Variants in FAAH2 observed in about 807,000 individuals in gnomAD.
FAAH2 encodes the protein fatty acid amide hydrolase 2.
FAAH2 carries 60 observed loss-of-function variants against 36.9 expected under a neutral mutation model. That is an observed-to-expected ratio of 1.63 (90% CI 1.32 to 2.02). The LOEUF is 2.02. Ranked by LOEUF, FAAH2 falls within the 30% of genes most tolerant of loss-of-function variation. The pLI, the probability that FAAH2 is intolerant of heterozygous loss-of-function variation, is 0.00. For missense variants in FAAH2, 689 were observed against 397.5 expected (o/e 1.73, Z -6.23); for synonymous variants, 214 against 143.8 (o/e 1.49, Z -3.49).
chrX:57,270,586 G>T, the FAAH2 span, among the ~76,000 whole-genome samples: 2 of 111,873 alleles, frequency 1.8e-5, no homozygotes, highest in African/African-American at 6.5e-5. Flanking sequence ...TTCCCAGCGA[G>T]ATCGATGCAG....
chrX:57,198,731 G>C, the FAAH2 span, among the ~76,000 whole-genome samples: 5 of 112,519 alleles, frequency 4.4e-5, no homozygotes, highest in African/African-American at 1.3e-4. Flanking sequence ...GATAAACTTA[G>C]AAATGCCATC....
chrX:57,141,654 T>A, the FAAH2 span, among the ~76,000 whole-genome samples: 1 of 111,976 alleles, frequency 8.9e-6, no homozygotes, highest in African/African-American at 3.2e-5. Flanking sequence ...TATGGTTCAA[T>A]CTTGGTAGGT....
the FAAH2 span, among the ~76,000 whole-genome samples, chrX:57,181,409 G>T: frequency 1.8e-5 from 2 of 111,583 alleles, no homozygotes; most frequent in East Asian, 5.7e-4. Context: ...TGAAATCAAT[G>T]TACAAAAATC....
chrX:57,167,349 C>A, the FAAH2 span, among the ~76,000 whole-genome samples: 1 of 111,144 alleles, frequency 9.0e-6, no homozygotes, highest in South Asian at 3.8e-4. Context: ...AACAGTTGTC[C>A]CTCCAGGCCA....
intron 7 of FAAH2, among the ~76,000 whole-genome samples, chrX:57,428,139 G>A (rs955687439): frequency 9.0e-6 from 1 of 111,657 alleles, no homozygotes; most frequent in East Asian, 2.8e-4. Flanking sequence ...CAGTTTGTTA[G>A]CATTTACAAT....
chrX:57,201,452 T>C, the FAAH2 span, among the ~76,000 whole-genome samples: 1 of 110,839 alleles, frequency 9.0e-6, no homozygotes, highest in Non-Finnish European at 1.9e-5. Flanking sequence ...AAGAAGTCTG[T>C]CTGCTGCTAC....
intron 10 of FAAH2, among the ~76,000 whole-genome samples, chrX:57,486,001 T>G (rs987029391): frequency 2.7e-5 from 3 of 111,660 alleles, no homozygotes; most frequent in African/African-American, 9.8e-5. Context: ...AGTTTGAGGT[T>G]GAGTGGAATG....
intron 2 of FAAH2, among the ~76,000 whole-genome samples, chrX:57,306,655 G>C (rs2052530915): frequency 1.0e-5 from 1 of 99,924 alleles, no homozygotes; most frequent in African/African-American, 3.6e-5. Flanking sequence ...GTTTCACTTG[G>C]CTCAAGTGTT....
chrX:57,449,025 C>T (rs1023276469), intron 10 of FAAH2, among the ~76,000 whole-genome samples: 6 of 111,533 alleles, frequency 5.4e-5, no homozygotes, highest in Non-Finnish European at 9.4e-5. Flanking sequence ...TCCAAAGTCT[C>T]CCCTGGCTGC....
intron 10 of FAAH2, among the ~76,000 whole-genome samples, chrX:57,465,999 C>G (rs1237385773): frequency 1.8e-5 from 2 of 108,915 alleles, no homozygotes; most frequent in African/African-American, 6.6e-5. Context: ...AAATGGTAAG[C>G]AGGTTAATGC....
intron 3 of FAAH2, among the ~76,000 whole-genome samples, chrX:57,324,760 T>C (rs1469735912): frequency 8.9e-6 from 1 of 112,335 alleles, no homozygotes; most frequent in South Asian, 3.6e-4. Flanking sequence ...TGGGGTTTTC[T>C]AAATATACAA....
intron 5 of FAAH2, among the ~76,000 whole-genome samples, chrX:57,348,788 T>C (rs1249965731): frequency 9.1e-6 from 1 of 109,368 alleles, no homozygotes; most frequent in Non-Finnish European, 1.9e-5. Flanking sequence ...CAGGAAAAAG[T>C]CTCCCCTAAG....
the FAAH2 span, among the ~76,000 whole-genome samples, chrX:57,254,907 G>T: frequency 9.0e-6 from 1 of 110,727 alleles, no homozygotes; most frequent in African/African-American, 3.3e-5. Context: ...TAGAAGACAA[G>T]AAATAACTAA....
chrX:57,411,950 T>G (rs765869710), intron 7 of FAAH2, among the ~76,000 whole-genome samples: 84 of 112,209 alleles, frequency 7.5e-4, no homozygotes, highest in African/African-American at 2.7e-3. Flanking sequence ...TATGGGAGTA[T>G]TACTCTTTTA....
chrX:57,404,541 A>G (rs1431235214), intron 7 of FAAH2, among the ~76,000 whole-genome samples: 1 of 111,642 alleles, frequency 9.0e-6, no homozygotes, highest in Non-Finnish European at 1.9e-5. Context: ...GTCCCACATA[A>G]CTGCTCATGT....
chrX:57,185,212 C>G, the FAAH2 span, among the ~76,000 whole-genome samples: 2 of 110,749 alleles, frequency 1.8e-5, no homozygotes, highest in African/African-American at 6.6e-5. Context: ...AACTCACCAT[C>G]CCCAACTGCC....
At chrX:57,484,805 G>T (rs1490331574) in intron 10 of FAAH2, among the ~76,000 whole-genome samples, 3 of 111,007 alleles carry the variant, frequency 2.7e-5, no homozygotes, top group African/African-American at 3.3e-5. Context: ...ACTGGGCTAG[G>T]TAGCTCACCA....
At chrX:57,317,139 C>G (rs1408962843) in intron 3 of FAAH2, among the ~76,000 whole-genome samples, 1 of 110,785 alleles carries the variant, frequency 9.0e-6, no homozygotes, top group African/African-American at 3.3e-5. Context: ...TTGAAAAATG[C>G]TCTCAGGATC....
chrX:57,398,361 G>T (rs761621009), intron 7 of FAAH2, among the ~76,000 whole-genome samples: 2 of 111,739 alleles, frequency 1.8e-5, no homozygotes, highest in South Asian at 7.6e-4. Context: ...TCTCACAGGT[G>T]TTCTCAGAAT....
Sources: gnomAD v4.1 joint callset for allele counts (sites outside exome capture counted in the v4.1 genomes callset) on GRCh38, gnomAD v4.1.1 for gene constraint, MANE v1.5 for transcripts, NCBI Gene and HGNC (gene_info 2026-07-23, HGNC 2026-07-21) for gene names.